HNF1B: variants seen among roughly 807,000 people sequenced by gnomAD.
HNF1B encodes the protein hepatocyte nuclear factor 1-beta.
In HNF1B, 8 loss-of-function variants were observed where a neutral mutation model predicts 61.7. The observed-to-expected ratio is 0.13, with a 90% CI of 0.08 to 0.23. The LOEUF (loss-of-function observed/expected upper bound fraction) is 0.23, where lower values mean the gene tolerates loss of function less well. Ranked by LOEUF, HNF1B falls within the 10% of genes least tolerant of loss-of-function variation. The pLI, the probability that HNF1B is intolerant of heterozygous loss-of-function variation, is 1.00. For synonymous variants in HNF1B, 314 were observed against 287.7 expected, an observed-to-expected ratio of 1.09 and a Z score of -0.93; for missense variants, 562 against 714.5, an observed-to-expected ratio of 0.79 and a Z score of 2.43.
At chr17:37,723,675 C>G (rs1162410977) in intron 4 of HNF1B, among the ~76,000 whole-genome samples, 1 of 152,038 alleles carries the variant, frequency 6.6e-6, no homozygotes, top group African/African-American at 2.4e-5. Context: ...TGGAGATACT[C>G]AAATTCTTTA....
chr17:37,740,026 G>A (rs984221252), intron 1 of HNF1B, among the ~76,000 whole-genome samples: 1 of 151,716 alleles, frequency 6.6e-6, no homozygotes, highest in Non-Finnish European at 1.5e-5. Context: ...GGAGTGCAAC[G>A]GCATCTTGGC....
At chr17:37,701,277 G>C (rs9905004) in intron 6 of HNF1B, 100 bp from the exon 7 acceptor site, 1 of 1,174,016 alleles carries the variant, frequency 8.5e-7, no homozygotes, top group Non-Finnish European at 1.2e-6. Context: ...CAGTCACCGG[G>C]CTGAGCCTGT....
intron 8 of HNF1B, among the ~76,000 whole-genome samples, chr17:37,693,250 A>T (rs963977970): frequency 1.3e-4 from 20 of 151,494 alleles, no homozygotes; most frequent in African/African-American, 4.1e-4. Flanking sequence ...CTCCTAAAGG[A>T]TCACAGACGG....
At chr17:37,738,838 GAGCAGGGCCACC>G (rs1355545034) in intron 2 of HNF1B, among the ~76,000 whole-genome samples, 1 of 152,166 alleles carries the variant, frequency 6.6e-6, no homozygotes, top group African/African-American at 2.4e-5. Flanking sequence ...GCTTCTTCAT[GAGCAGGGCCACC>G]AGCTGAGGTC....
At chr17:37,703,082 G>A (rs2032624004) in intron 6 of HNF1B, among the ~76,000 whole-genome samples, 1 of 152,096 alleles carries the variant, frequency 6.6e-6, no homozygotes, top group Admixed American at 6.5e-5. Context: ...CCGCAATTCT[G>A]AGGCAGGGCC....
chr17:37,717,918 A>G lies in HNF1B; in HGVS notation c.1046-7255T>C, dbSNP rs535723362. On this transcript the variant is annotated intron_variant, in intron 4 of 8. Transcript: ENST00000617811. ...GATTAAAAATCTGCAAATGTGGAAGAAAAAGCTGATGCAAGATGAAAGCAA... is the reference window on the plus strand; with the variant it reads ...GATTAAAAATCTGCAAATGTGGAAGGAAAAGCTGATGCAAGATGAAAGCAA... 2.0e-5 allele frequency among the ~76,000 whole-genome samples: 3 copies of G among 152,350 alleles called. No homozygotes were observed. In the East Asian group the frequency reaches 5.8e-4, roughly 29 times the overall value.
intron 4 of HNF1B, among the ~76,000 whole-genome samples, chr17:37,711,032 T>C (rs371551989): frequency 3.3e-5 from 5 of 152,376 alleles, no homozygotes; most frequent in African/African-American, 1.2e-4. Context: ...GGGTTGAGAC[T>C]AGCCTTCTGT....
chr17:37,694,438 GCCCCCCC>G (rs199518020), intron 8 of HNF1B, among the ~76,000 whole-genome samples: 1 of 29,420 alleles, frequency 3.4e-5, no homozygotes, highest in Admixed American at 4.8e-4. Context: ...CCGCCCCGCC[GCCCCCCC>G]CCCCCCCCGC....
At position 37,686,856 on chromosome 17, in the gene HNF1B, A is replaced by G; in HGVS notation, c.*516T>C. 3 of 270,046 alleles carry G rather than the reference A, an allele frequency of 1.1e-5. No homozygotes were observed. In the South Asian group the frequency reaches 1.3e-4, roughly 12 times the overall value. 16.7% of individuals were successfully genotyped at this position (270,046 alleles called of 1,614,324 possible). On this transcript the variant is annotated 3_prime_UTR_variant, in exon 9 of 9. Coordinates refer to ENST00000617811, the MANE Select transcript of HNF1B (RefSeq NM_000458.4). Reference sequence around the variant, plus strand: ...GGAGAGGACACAGAGGGGAAATTGCACTTAATTACAGTAGTTTATAGTTTA... The same window carrying G: ...GGAGAGGACACAGAGGGGAAATTGCGCTTAATTACAGTAGTTTATAGTTTA...
intron 8 of HNF1B, among the ~76,000 whole-genome samples, chr17:37,693,189 CA>C (rs11464180): frequency 0.24 from 11,610 of 48,282 alleles, 174 homozygotes; most frequent in Middle Eastern, 0.3. Context: ...GATTCCATCT[CA>C]AAAAAAAAAA....
At chr17:37,709,920 T>G (rs2147471457) in intron 5 of HNF1B, among the ~76,000 whole-genome samples, 1 of 152,322 alleles carries the variant, frequency 6.6e-6, no homozygotes, top group Admixed American at 6.5e-5. Context: ...TCAAAGTTGG[T>G]GTTTCTCCCT....
chr17:37,688,951 C>A (rs1273749547), intron 8 of HNF1B, among the ~76,000 whole-genome samples: 3 of 152,052 alleles, frequency 2.0e-5, no homozygotes, highest in Non-Finnish European at 4.4e-5. Flanking sequence ...TCGAGATCAG[C>A]CTGGCCAACA....
chr17:37,704,083 T>A (rs904390021), intron 6 of HNF1B, among the ~76,000 whole-genome samples: 1 of 152,200 alleles, frequency 6.6e-6, no homozygotes, highest in African/African-American at 2.4e-5. Flanking sequence ...CAAGGATGGT[T>A]TTGAGAAACA....
At chr17:37,736,077 T>G (rs2147561439) in intron 2 of HNF1B, among the ~76,000 whole-genome samples, 1 of 152,354 alleles carries the variant, frequency 6.6e-6, no homozygotes, top group South Asian at 2.1e-4. Flanking sequence ...CTGATTATAC[T>G]TTTCAAAGTG....
At chr17:37,728,869 C>T (rs1310278602) in intron 4 of HNF1B, 1 of 153,630 alleles carries the variant, frequency 6.5e-6, no homozygotes, top group African/African-American at 2.4e-5. Context: ...GGCACTAGCA[C>T]AGCAGCCACC....
At position 37,687,295 on chromosome 17, in the gene HNF1B, A is replaced by G. The variant is rs758463674; in HGVS notation, c.*77T>C. ...GCTGGTCAGGTCACTGGGCTTTTCC[A>G]TGACAGCTGCCCAGAGGGTGATGGT... On this transcript the variant is annotated 3_prime_UTR_variant, in exon 9 of 9. Transcript: ENST00000617811. The G allele has an allele frequency of 4.6e-5, 74 of 1,613,592 alleles. No individual in the cohort carries two copies. Among genetic ancestry groups the G allele is most frequent in the Non-Finnish European group, 5.9e-5 (70 of 1,179,860 alleles).
chr17:37,695,801 C>T (rs1337793801), intron 8 of HNF1B, among the ~76,000 whole-genome samples: 2 of 152,192 alleles, frequency 1.3e-5, no homozygotes, highest in Non-Finnish European at 2.9e-5. Flanking sequence ...AATGCCTGTA[C>T]CACCATTGTA....
chr17:37,692,179 C>T (rs869036037), intron 8 of HNF1B, among the ~76,000 whole-genome samples: 8 of 152,164 alleles, frequency 5.3e-5, no homozygotes, highest in East Asian at 1.9e-4. Flanking sequence ...GGATTCTTGG[C>T]GCGAGAAGTC....
At chr17:37,705,506 T>G (rs1427206899) in intron 5 of HNF1B, among the ~76,000 whole-genome samples, 3 of 152,182 alleles carry the variant, frequency 2.0e-5, no homozygotes, top group Non-Finnish European at 4.4e-5. Context: ...CTCTACTTTT[T>G]CCACATCTCC....
Sources: allele counts gnomAD v4.1 joint callset (sites outside exome capture counted in the v4.1 genomes callset), GRCh38; gene constraint gnomAD v4.1.1; transcripts MANE v1.5; gene names NCBI Gene and HGNC (gene_info 2026-07-23, HGNC 2026-07-21).